Variants in AGAP1 observed in about 807,000 individuals in gnomAD.
The protein encoded by AGAP1 is ArfGAP with GTPase domain, ankyrin repeat and PH domain 1, also known as arf-GAP with GTPase, ANK repeat and PH domain-containing protein 1.
AGAP1 carries 29 observed loss-of-function variants against 105.3 expected under a neutral mutation model. That is an observed-to-expected ratio of 0.28 (90% CI 0.21 to 0.38). The LOEUF is 0.38. Ranked by LOEUF, AGAP1 falls within the 10% of genes least tolerant of loss-of-function variation. AGAP1 has a pLI of 1.00. For synonymous variants in AGAP1, 509 were observed against 485.9 expected, an observed-to-expected ratio of 1.05 and a Z score of -0.63; for missense variants, 998 against 1,165.1, an observed-to-expected ratio of 0.86 and a Z score of 2.09.
rs1961415830 is a variant in AGAP1, at chr2:235,845,814, A to G, written c.1051-37531A>G. Among the ~76,000 whole-genome samples the G allele has an allele frequency of 6.6e-6, 1 of 151,408 alleles. No homozygotes were observed. The highest frequency in any genetic ancestry group is 2.4e-5 in the African/African-American group (1 of 41,158). On this transcript the variant is annotated intron_variant, in intron 9 of 17. Transcript: ENST00000304032. The surrounding 1 kb of genome is among the most constrained non-coding windows in gnomAD (Gnocchi z 4.8). ...GCATCTGTCCCGTCGTGCCCTCCGA[A>G]GGAGTCATGCATGTGGTTTGGGGCC... is the stretch of plus-strand genomic sequence containing the variant.
chr2:235,877,334 A>G lies in AGAP1; in HGVS notation c.1051-6011A>G, dbSNP rs911242558. ...ATACCATTAATTTACTGTGCATTTA[A>G]TGTTAAGGATGATGATGTTTTGCTG... On this transcript the variant is annotated intron_variant, in intron 9 of 17. Transcript: ENST00000304032. This position sits in a 1 kb window ranked among gnomAD's most constrained non-coding sequence, Gnocchi z 4.3. 2.0e-5 allele frequency among the ~76,000 whole-genome samples: 3 copies of G among 152,134 alleles called. No homozygotes were observed. The highest frequency in any genetic ancestry group is 2.0e-4 in the Admixed American group (3 of 15,268).
intron 11 of AGAP1, among the ~76,000 whole-genome samples, chr2:235,910,005 C>A (rs141136437): frequency 7.7e-6 from 1 of 130,376 alleles, no homozygotes; most frequent in South Asian, 2.9e-4. Context: ...TGGGTGACAG[C>A]GAGACTCTAT....
chr2:235,713,758 TAAAC>T (rs1950961939), intron 2 of AGAP1, among the ~76,000 whole-genome samples: 2 of 152,208 alleles, frequency 1.3e-5, no homozygotes, highest in African/African-American at 4.8e-5. Flanking sequence ...GAGCAGCTGA[TAAAC>T]AACAGAAATA....
In AGAP1 at chr2:236,001,937, G is replaced by T. The variant is rs137871329; in HGVS notation, c.1645+33314G>T. ...CATCATTGCACATACATTCTGAAGC[G>T]CTCACGCTTTGTTCCTGTGGACATC... On this transcript the variant is annotated intron_variant, in intron 13 of 17. Transcript: ENST00000304032. This position sits in a 1 kb window ranked among gnomAD's most constrained non-coding sequence, Gnocchi z 4.7. Among the ~76,000 whole-genome samples, 7 of 152,214 alleles carry T rather than the reference G, an allele frequency of 4.6e-5. No individual in the cohort carries two copies. The highest frequency in any genetic ancestry group is 1.7e-4 in the African/African-American group (7 of 41,526).
At chr2:235,675,131 T>G (rs1033538209) in intron 1 of AGAP1, among the ~76,000 whole-genome samples, 1 of 151,922 alleles carries the variant, frequency 6.6e-6, no homozygotes, top group Non-Finnish European at 1.5e-5. Flanking sequence ...AGTTTGATTT[T>G]TAAATTTGAT....
In AGAP1 at chr2:236,123,514, CTAAG is replaced by C. The variant is rs1245144859; in HGVS notation, c.2371-402_2371-399del. On this transcript the variant is annotated intron_variant, in intron 17 of 17. Transcript: ENST00000304032. The surrounding 1 kb of genome is among the most constrained non-coding windows in gnomAD (Gnocchi z 4.6). ...ATACACTAATTCACAAAGGTTATCT[CTAAG>C]TAGTAAGATTATGGGTGATTTTTTT... Among the ~76,000 whole-genome samples, 3 of 152,106 alleles carry C rather than the reference CTAAG, an allele frequency of 2.0e-5. No homozygotes were observed. The highest frequency in any genetic ancestry group is 4.4e-5 in the Non-Finnish European group (3 of 68,024).
At position 235,612,673 on chromosome 2, in the gene AGAP1, G is replaced by A. The variant is rs1439436873; in HGVS notation, c.164-96506G>A. On this transcript the variant is annotated intron_variant, in intron 1 of 17. Coordinates refer to ENST00000304032, the MANE Select transcript of AGAP1 (RefSeq NM_001037131.3). The surrounding 1 kb of genome is among the most constrained non-coding windows in gnomAD (Gnocchi z 4.3). The stretch of plus-strand genomic sequence containing the variant: ...TACCAAACTTGGGAAATCCTGACCA[G>A]CGCATCCAGGGTTGCTTGGGCACAG... 1.3e-5 allele frequency among the ~76,000 whole-genome samples: 2 copies of A among 152,228 alleles called. No homozygotes were observed. Among genetic ancestry groups the A allele is most frequent in the Non-Finnish European group, 2.9e-5 (2 of 68,046 alleles).
chr2:235,772,435 G>A (rs1466421955), intron 6 of AGAP1, among the ~76,000 whole-genome samples: 1 of 152,178 alleles, frequency 6.6e-6, no homozygotes, highest in Non-Finnish European at 1.5e-5. Context: ...GCAGGCGCAT[G>A]TATTCCAGCC....
rs1265401126 is a variant in AGAP1 at position 236,056,400 on chromosome 2, C to T, written c.2114+7119C>T. ...GGCCGTCGTGACAATTAAGGAGTTT[C>T]TGATGCTTAAGAATTTTTACTGCCC... On this transcript the variant is annotated intron_variant, in intron 16 of 17. Transcript: ENST00000304032. This position sits in a 1 kb window ranked among gnomAD's most constrained non-coding sequence, Gnocchi z 4.6. Among the ~76,000 whole-genome samples the T allele has an allele frequency of 6.6e-6, 1 of 152,156 alleles. No individual in the cohort carries two copies. The highest frequency in any genetic ancestry group is 1.5e-5 in the Non-Finnish European group (1 of 68,042).
chr2:236,059,075 C>T (rs889428738), intron 16 of AGAP1, among the ~76,000 whole-genome samples: 3 of 151,894 alleles, frequency 2.0e-5, no homozygotes, highest in African/African-American at 7.3e-5. Context: ...ACCTTAAATC[C>T]CAATGTTTTG....
At chr2:235,504,014 T>C (rs1176104175) in intron 1 of AGAP1, among the ~76,000 whole-genome samples, 1 of 152,210 alleles carries the variant, frequency 6.6e-6, no homozygotes, top group Non-Finnish European at 1.5e-5. Flanking sequence ...CCCAAATAGC[T>C]GGGACCACAG....
intron 12 of AGAP1, among the ~76,000 whole-genome samples, chr2:235,946,252 A>G (rs1463512461): frequency 3.3e-5 from 5 of 151,274 alleles, no homozygotes; most frequent in Admixed American, 3.3e-4. Context: ...TTATTCCCCC[A>G]AAGTGGATTG....
chr2:235,902,538 T>C (rs539584995), intron 10 of AGAP1, among the ~76,000 whole-genome samples: 1 of 152,370 alleles, frequency 6.6e-6, no homozygotes, highest in South Asian at 2.1e-4. Context: ...TTTCATCATA[T>C]AACATCAAAA....
intron 13 of AGAP1, among the ~76,000 whole-genome samples, chr2:236,023,075 C>CA (rs1236732135): frequency 6.6e-6 from 1 of 152,100 alleles, no homozygotes; most frequent in Non-Finnish European, 1.5e-5. Flanking sequence ...GTGTGCGTGA[C>CA]ATTGCCACAC....
At position 235,747,829 on chromosome 2, in the gene AGAP1, G is replaced by A. The variant is rs1300023323; in HGVS notation, c.539-2525G>A. Among the ~76,000 whole-genome samples, 1 of 152,222 alleles carries A rather than the reference G, an allele frequency of 6.6e-6. No homozygotes were observed. The highest frequency in any genetic ancestry group is 1.5e-5 in the Non-Finnish European group (1 of 68,040). On this transcript the variant is annotated intron_variant, in intron 5 of 17. Coordinates refer to ENST00000304032, the MANE Select transcript of AGAP1 (RefSeq NM_001037131.3). This position sits in a 1 kb window ranked among gnomAD's most constrained non-coding sequence, Gnocchi z 5.0. ...GGCACCTGGCATTTCTCTTCCTGCT[G>A]CTTTGGGGTAGGCAGCGTTAGAGGT...
intron 1 of AGAP1, among the ~76,000 whole-genome samples, chr2:235,521,793 AAT>A (rs1942631356): frequency 6.7e-6 from 1 of 149,216 alleles, no homozygotes; most frequent in African/African-American, 2.5e-5. Context: ...GCTATTGAAA[AAT>A]AGTGCTGTAT....
chr2:235,647,420 C>T (rs113847990), intron 1 of AGAP1, among the ~76,000 whole-genome samples: 2 of 152,234 alleles, frequency 1.3e-5, no homozygotes, highest in African/African-American at 4.8e-5. Flanking sequence ...CAATGTCTTG[C>T]TCTGTCACCC....
intron 13 of AGAP1, among the ~76,000 whole-genome samples, chr2:236,023,123 C>T (rs2056938342): frequency 1.3e-5 from 2 of 152,174 alleles, no homozygotes. Flanking sequence ...AGAAAGACCA[C>T]AAGGTAGCGA....
chr2:235,977,692 T>C lies in AGAP1; in HGVS notation c.1645+9069T>C, dbSNP rs550081849. Among the ~76,000 whole-genome samples, 4 of 152,256 alleles carry C rather than the reference T, an allele frequency of 2.6e-5. No homozygotes were observed. The highest frequency in any genetic ancestry group is 9.6e-5 in the African/African-American group (4 of 41,546). On this transcript the variant is annotated intron_variant, in intron 13 of 17. Coordinates refer to ENST00000304032, the MANE Select transcript of AGAP1 (RefSeq NM_001037131.3). The surrounding 1 kb of genome is among the most constrained non-coding windows in gnomAD (Gnocchi z 5.2). Reference sequence around the variant, plus strand: ...CTCCCAGGCCTGGCAATAATGAAACTAGGCAGTGTTTTATCTCACAGGCAG... The same window carrying C: ...CTCCCAGGCCTGGCAATAATGAAACCAGGCAGTGTTTTATCTCACAGGCAG...
Sources: allele counts gnomAD v4.1 joint callset (sites outside exome capture counted in the v4.1 genomes callset), GRCh38; gene constraint gnomAD v4.1.1; non-coding constraint Gnocchi (gnomAD v3.1); transcripts MANE v1.5; gene names NCBI Gene and HGNC (gene_info 2026-07-23, HGNC 2026-07-21).